The following LEKR1 variants were observed in gnomAD, a reference collection of about 807,000 sequenced individuals.
LEKR1 encodes the protein protein LEKR1.
A neutral mutation model predicts 72.4 loss-of-function variants in LEKR1; 59 were observed. The ratio of observed to expected loss-of-function variants is 0.82; its 90% CI spans 0.66 to 1.01. The LOEUF (loss-of-function observed/expected upper bound fraction) is 1.01. Ranked by LOEUF, LEKR1 falls within the 50% of genes least tolerant of loss-of-function variation. The pLI is 0.00. For synonymous variants in LEKR1, 257 were observed against 263.2 expected, an observed-to-expected ratio of 0.98 and a Z score of 0.23; for missense variants, 728 against 759.2, an observed-to-expected ratio of 0.96 and a Z score of 0.48.
At chr3:156,996,889 A>G (rs1731619321) in intron 9 of LEKR1, among the ~76,000 whole-genome samples, 1 of 152,014 alleles carries the variant, frequency 6.6e-6, no homozygotes, top group Admixed American at 6.5e-5. Context: ...ACATAGTGAA[A>G]CCCCGTCTCT....
intron 3 of LEKR1, among the ~76,000 whole-genome samples, chr3:156,887,286 T>G (rs1175021636): frequency 6.6e-6 from 1 of 152,134 alleles, no homozygotes; most frequent in Non-Finnish European, 1.5e-5. Context: ...GGAGATTTTC[T>G]TGTCACCTCT....
At chr3:157,022,482 A>G (rs1733912900) in intron 10 of LEKR1, among the ~76,000 whole-genome samples, 1 of 152,146 alleles carries the variant, frequency 6.6e-6, no homozygotes, top group South Asian at 2.1e-4. Context: ...GCATCTTTTG[A>G]AGGTAAAATG....
intron 10 of LEKR1, 92 bp from the exon 11 acceptor site, chr3:157,024,668 G>A (rs924933445): frequency 5.3e-6 from 5 of 950,512 alleles, no homozygotes; most frequent in Non-Finnish European, 7.9e-6. Context: ...TTTAATGTCA[G>A]AACATTTTAA....
chr3:156,999,873 C>G lies in LEKR1; in HGVS notation c.1109+6596C>G, dbSNP rs181656730. 7.2e-5 allele frequency among the ~76,000 whole-genome samples: 11 copies of G among 152,288 alleles called. No homozygotes were observed. In the East Asian group the frequency reaches 2.1e-3, roughly 29 times the overall value. The stretch of plus-strand genomic sequence containing the variant: ...GACATTAACGTTAATTTAACTGAGG[C>G]TAAATTTCTTGCTCAGGGTGACATC... On this transcript the variant is annotated intron_variant, in intron 9 of 12. Transcript: ENST00000356539.
At chr3:156,870,647 C>G (rs916131829) in intron 3 of LEKR1, among the ~76,000 whole-genome samples, 46 of 152,088 alleles carry the variant, frequency 3.0e-4, no homozygotes, top group Admixed American at 2.3e-3. Flanking sequence ...TGACTCTTTT[C>G]CCAATTTGAA....
chr3:156,992,741 C>A lies in LEKR1; in HGVS notation c.905+11C>A. 2 of 748,968 alleles carry A rather than the reference C, an allele frequency of 2.7e-6. No individual in the cohort carries two copies. Among genetic ancestry groups the A allele is most frequent in the Non-Finnish European group, 3.5e-6 (2 of 577,908 alleles). The allele number at this position is 748,968 out of a possible 1,614,324, so 46.4% of individuals were successfully genotyped here. On this transcript the variant is annotated intron_variant, in intron 8 of 12. Transcript: ENST00000356539. The stretch of plus-strand genomic sequence containing the variant: ...TATTTCTGAGTCACAGTATGCATTA[C>A]CAATTTTTAAATTTATATTTTTAAT...
intron 2 of LEKR1, among the ~76,000 whole-genome samples, chr3:156,845,528 G>T (rs1714478207): frequency 6.7e-6 from 1 of 149,266 alleles, no homozygotes. Flanking sequence ...TTAGGTTGAG[G>T]TTCCTTTTTT....
intron 12 of LEKR1, among the ~76,000 whole-genome samples, chr3:157,041,312 C>A (rs1735324113): frequency 6.6e-6 from 1 of 152,122 alleles, no homozygotes; most frequent in Non-Finnish European, 1.5e-5. Flanking sequence ...CTCCTACTGT[C>A]CTCCCTGGCT....
intron 3 of LEKR1, among the ~76,000 whole-genome samples, chr3:156,900,112 G>A (rs1015599057): frequency 1.3e-5 from 2 of 151,956 alleles, no homozygotes; most frequent in African/African-American, 4.8e-5. Context: ...CTGGTGGGGG[G>A]AACTATACTA....
At chr3:156,979,327 C>T (rs1376152372) in intron 7 of LEKR1, 52 bp downstream of exon 7, 1 of 825,174 alleles carries the variant, frequency 1.2e-6, no homozygotes, top group Non-Finnish European at 1.8e-6. Context: ...AGATGTGTTA[C>T]AAAATGGCAA....
intron 6 of LEKR1, among the ~76,000 whole-genome samples, chr3:156,964,093 T>C (rs1728354789): frequency 6.6e-6 from 1 of 152,214 alleles, no homozygotes; most frequent in Non-Finnish European, 1.5e-5. Context: ...TAGGCTACTT[T>C]AATATGATGG....
rs1219356674 is a variant in LEKR1 at position 156,881,932 on chromosome 3, A to C, written c.263+28950A>C. On this transcript the variant is annotated intron_variant, in intron 3 of 12. Transcript: ENST00000356539. Reference sequence around the variant, plus strand: ...TCCCTATTTAATAAATGGTGCTGAGAAAACTGGCTAGCCATATGTAGAAAG... The same window carrying C: ...TCCCTATTTAATAAATGGTGCTGAGCAAACTGGCTAGCCATATGTAGAAAG... Among the ~76,000 whole-genome samples the C allele has an allele frequency of 1.5e-4, 23 of 149,612 alleles. No homozygotes were observed. The Admixed American group carries it at 1.5e-3, about 10-fold the overall frequency.
intron 6 of LEKR1, among the ~76,000 whole-genome samples, chr3:156,950,014 C>T (rs1002769936): frequency 6.6e-6 from 1 of 151,150 alleles, no homozygotes; most frequent in African/African-American, 2.4e-5. Context: ...CTGGCCATAT[C>T]TTTGTGGGAA....
intron 11 of LEKR1, 137 bp from the exon 12 acceptor site, chr3:157,027,966 C>T (rs1734326563): frequency 3.9e-6 from 2 of 509,060 alleles, no homozygotes; most frequent in East Asian, 6.4e-5. Flanking sequence ...ATCTTGAAGG[C>T]CTGCACATCA....
chr3:156,851,597 C>T (rs1560024713), intron 2 of LEKR1, among the ~76,000 whole-genome samples: 2 of 151,698 alleles, frequency 1.3e-5, no homozygotes, highest in Admixed American at 6.6e-5. Context: ...AATCTATATC[C>T]CATAATACTG....
At chr3:156,877,439 T>A (rs1718738612) in intron 3 of LEKR1, among the ~76,000 whole-genome samples, 1 of 152,170 alleles carries the variant, frequency 6.6e-6, no homozygotes, top group African/African-American at 2.4e-5. Flanking sequence ...TGAACCCATA[T>A]AGTCCTGGAT....
intron 9 of LEKR1, among the ~76,000 whole-genome samples, chr3:157,008,944 G>A (rs1401969836): frequency 2.0e-5 from 3 of 152,002 alleles, no homozygotes; most frequent in Non-Finnish European, 2.9e-5. Flanking sequence ...CATTCATTTT[G>A]ATAGCAATTA....
At chr3:156,877,144 C>G (rs1166493135) in intron 3 of LEKR1, among the ~76,000 whole-genome samples, 1 of 152,124 alleles carries the variant, frequency 6.6e-6, no homozygotes, top group Non-Finnish European at 1.5e-5. Context: ...TAAACCATCC[C>G]TGTATCTCTG....
At chr3:156,945,985 A>G (rs570060906) in intron 6 of LEKR1, among the ~76,000 whole-genome samples, 1 of 151,944 alleles carries the variant, frequency 6.6e-6, no homozygotes, top group African/African-American at 2.4e-5. Context: ...ATTTCTGTGA[A>G]GAATGACATT....
Sources: allele counts gnomAD v4.1 joint callset (sites outside exome capture counted in the v4.1 genomes callset), GRCh38; gene constraint gnomAD v4.1.1; transcripts MANE v1.5; gene names NCBI Gene and HGNC (gene_info 2026-07-23, HGNC 2026-07-21).